RAD21L1: variants seen among roughly 807,000 people sequenced by gnomAD.
The protein encoded by RAD21L1 is double-strand-break repair protein rad21-like protein 1.
In RAD21L1, 47 loss-of-function variants were observed where a neutral mutation model predicts 69.0. The observed-to-expected ratio is 0.68, with a 90% CI of 0.54 to 0.87. The LOEUF (loss-of-function observed/expected upper bound fraction) is 0.87, where lower values mean the gene tolerates loss of function less well. Ranked by LOEUF, RAD21L1 falls within the 40% of genes least tolerant of loss-of-function variation. The pLI, the probability that RAD21L1 is intolerant of heterozygous loss-of-function variation, is 0.00. For missense variants in RAD21L1, 583 were observed against 647.6 expected, an observed-to-expected ratio of 0.90 and a Z score of 1.08; for synonymous variants, 177 against 205.8, an observed-to-expected ratio of 0.86 and a Z score of 1.20.
At position 1,254,698 on chromosome 20, in the gene RAD21L1, C is replaced by A. The variant is rs2087902549; in HGVS notation, c.*241C>A. Among the ~76,000 whole-genome samples, 1 of 152,000 alleles carries A rather than the reference C, an allele frequency of 6.6e-6. No individual in the cohort carries two copies. Among genetic ancestry groups the A allele is most frequent in the Admixed American group, 6.5e-5 (1 of 15,276 alleles). ...TGTTTTTTTAAGGACAAAGGTCTCA[C>A]TATATTGCCCAGGCTGGACTTGAAC... On this transcript the variant is annotated 3_prime_UTR_variant, in exon 14 of 14. Coordinates refer to ENST00000683101, the MANE Select transcript of RAD21L1 (RefSeq NM_001384355.1).
At position 1,234,083 on chromosome 20, in the gene RAD21L1, A is replaced by G. The variant is rs1029261120; in HGVS notation, c.369-2A>G. The G allele has an allele frequency of 3.6e-6, 5 of 1,398,840 alleles. No homozygotes were observed. Among genetic ancestry groups the G allele is most frequent in the Non-Finnish European group, 3.9e-6 (4 of 1,013,940 alleles). 86.7% of individuals were successfully genotyped at this position (1,398,840 alleles called of 1,614,324 possible). A position where few individuals can be genotyped will look rare whatever the true frequency, so the allele number is the denominator to read the frequency against. On this transcript the variant is annotated splice_acceptor_variant, in intron 4 of 13. Coordinates refer to ENST00000683101, the MANE Select transcript of RAD21L1 (RefSeq NM_001384355.1). LOFTEE classifies it high-confidence loss of function. ...TTTTCTCAACCTTCTATTTCTCCAT[A>G]GTGCTATTGATGTTTCAGAACACTT...
intron 2 of RAD21L1, 100 bp from the exon 3 acceptor site, chr20:1,229,779 CT>C: frequency 2.3e-6 from 2 of 882,572 alleles, no homozygotes; most frequent in Non-Finnish European, 3.3e-6. Flanking sequence ...AAAATATCTG[CT>C]TTTTTAAGAG....
chr20:1,238,027 G>T lies in RAD21L1; in HGVS notation c.476-17G>T. On this transcript the variant is annotated splice_polypyrimidine_tract_variant and intron_variant, in intron 5 of 13. Coordinates refer to ENST00000683101, the MANE Select transcript of RAD21L1 (RefSeq NM_001384355.1). ...TGTGTTTCTATGAATTAGTATTAAT[G>T]ATATATATTTATTTAGGGGAGGAAT... is the stretch of plus-strand genomic sequence containing the variant. 7.3e-7 allele frequency: 1 copy of T among 1,360,764 alleles called. No individual in the cohort carries two copies. The allele number at this position is 1,360,764 out of a possible 1,614,324, so 84.3% of individuals were successfully genotyped here. A position where few individuals can be genotyped will look rare whatever the true frequency, so the allele number is the denominator to read the frequency against.
intron 11 of RAD21L1, among the ~76,000 whole-genome samples, chr20:1,245,571 T>C (rs1403279452): frequency 2.0e-5 from 3 of 152,146 alleles, no homozygotes; most frequent in Admixed American, 1.3e-4. Flanking sequence ...TGGAGACAGG[T>C]TGAAGATGAA....
chr20:1,250,005 C>G (rs191197392), intron 13 of RAD21L1, among the ~76,000 whole-genome samples: 1 of 124,374 alleles, frequency 8.0e-6, no homozygotes, highest in Admixed American at 8.6e-5. Flanking sequence ...TCCCTCCCCC[C>G]TCCCCCGACC....
Position 1,246,566 on chromosome 20 carries a change from A to G in RAD21L1, c.1401+261A>G, listed in dbSNP as rs1046072305. ...GTGTGAGGTTTTTGTGCTTATCAAA[A>G]GTAGTGACAGGATTTTAAATGTTGA... On this transcript the variant is annotated intron_variant, in intron 12 of 13. Coordinates refer to ENST00000683101, the MANE Select transcript of RAD21L1 (RefSeq NM_001384355.1). This position sits in a 1 kb window ranked among gnomAD's most constrained non-coding sequence, Gnocchi z 4.6. Among the ~76,000 whole-genome samples, 1 of 152,192 alleles carries G rather than the reference A, an allele frequency of 6.6e-6. No homozygotes were observed. Among genetic ancestry groups the G allele is most frequent in the Non-Finnish European group, 1.5e-5 (1 of 68,018 alleles).
At chr20:1,251,810 G>A (rs568649236) in intron 13 of RAD21L1, among the ~76,000 whole-genome samples, 138 of 151,688 alleles carry the variant, frequency 9.1e-4, no homozygotes, top group African/African-American at 3.0e-3. Context: ...TTATTTTATA[G>A]CATCATAATA....
rs2087562336 is a variant in RAD21L1, at chr20:1,239,386, G to C, written c.721G>C (p.Glu241Gln). ...GAACAGAGAAATTTCCCTGCCTTCT[G>C]AGCCTCCCAATAGTTTAGCAGGTAG... is the stretch of plus-strand genomic sequence containing the variant. The part of the protein sequence containing the change: ...HLNREISLPS[E>Q]PPNSLAVEPD... Residue 241 changes from glutamate to glutamine, a missense_variant, in exon 7 of 14, where the codon GAG (glutamate) becomes CAG (glutamine). Coordinates refer to ENST00000683101, the MANE Select transcript of RAD21L1 (RefSeq NM_001384355.1). 1 of 1,546,994 alleles carries C rather than the reference G, an allele frequency of 6.5e-7. No individual in the cohort carries two copies. The highest frequency in any genetic ancestry group is 8.8e-7 in the Non-Finnish European group (1 of 1,142,824).
chr20:1,230,069 TG>T, intron 3 of RAD21L1, 60 bp downstream of exon 3: 1 of 1,339,370 alleles, frequency 7.5e-7, no homozygotes, highest in Non-Finnish European at 1.0e-6. Context: ...TAATTGGGGG[TG>T]GGATCTTTTA....
At chr20:1,254,230 G>T in intron 13 of RAD21L1, 39 bp from the exon 14 acceptor site, 1 of 1,358,280 alleles carries the variant, frequency 7.4e-7, no homozygotes, top group South Asian at 1.6e-5. Context: ...TAATGATCTT[G>T]TTTCCCATTT....
At chr20:1,229,841 T>C in intron 2 of RAD21L1, 39 bp from the exon 3 acceptor site, 1 of 1,439,958 alleles carries the variant, frequency 6.9e-7, no homozygotes, top group Non-Finnish European at 9.4e-7. Context: ...TTTATGAACC[T>C]AATCTTTACT....
In RAD21L1 at chr20:1,255,434, A is replaced by G. The variant is rs948122392; in HGVS notation, c.*977A>G. 1.3e-5 allele frequency among the ~76,000 whole-genome samples: 2 copies of G among 152,202 alleles called. 1 individual carries two copies. The highest frequency in any genetic ancestry group is 4.1e-4 in the South Asian group (2 of 4,828). ...CATATGATGCTCTGTGAGCTCCATCATACACTGTCAAATGAAGCCTATGGT... is the reference window on the plus strand; with the variant it reads ...CATATGATGCTCTGTGAGCTCCATCGTACACTGTCAAATGAAGCCTATGGT... On this transcript the variant is annotated 3_prime_UTR_variant, in exon 14 of 14. Transcript: ENST00000683101.
At position 1,230,018 on chromosome 20, in the gene RAD21L1, G is replaced by A; in HGVS notation, c.274+9G>A. 1.3e-6 allele frequency: 2 copies of A among 1,535,958 alleles called. No homozygotes were observed. Among genetic ancestry groups the A allele is most frequent in the Non-Finnish European group, 1.8e-6 (2 of 1,136,136 alleles). The stretch of plus-strand genomic sequence containing the variant: ...GATGACATTTTGCCCAGGTATACAT[G>A]TAATATTGATTTGTCTCCTTCTTGG... On this transcript the variant is annotated intron_variant, in intron 3 of 13. Transcript: ENST00000683101.
At position 1,241,029 on chromosome 20, in the gene RAD21L1, A is replaced by G. The variant is rs74181573; in HGVS notation, c.856+595A>G. 2.3e-3 allele frequency among the ~76,000 whole-genome samples: 345 copies of G among 152,336 alleles called. 2 individuals are homozygous for G. Among genetic ancestry groups the G allele is most frequent in the Non-Finnish European group, 4.1e-3 (281 of 68,026 alleles). Reference sequence around the variant, plus strand: ...TTTTCCTGGACAAAGCCAAGAACCCAGATGGGCTAAGCTCCACTCTGGGGC... The same window carrying G: ...TTTTCCTGGACAAAGCCAAGAACCCGGATGGGCTAAGCTCCACTCTGGGGC... On this transcript the variant is annotated intron_variant, in intron 8 of 13. Coordinates refer to ENST00000683101, the MANE Select transcript of RAD21L1 (RefSeq NM_001384355.1).
At chr20:1,238,682 GC>G (rs1213025699) in intron 6 of RAD21L1, among the ~76,000 whole-genome samples, 2 of 151,842 alleles carry the variant, frequency 1.3e-5, no homozygotes, top group Non-Finnish European at 2.9e-5. Flanking sequence ...TATCCTCAAG[GC>G]CTTCTACCAA....
Position 1,242,970 on chromosome 20 carries a change from A to C in RAD21L1, c.1083+125A>C, listed in dbSNP as rs1044368052. The C allele has an allele frequency of 3.3e-6, 3 of 904,474 alleles. No individual in the cohort carries two copies. The African/African-American group carries it at 5.1e-5, about 15-fold the overall frequency. The allele number at this position is 904,474 out of a possible 1,614,324, so 56.0% of individuals were successfully genotyped here. On this transcript the variant is annotated intron_variant, in intron 9 of 13. Transcript: ENST00000683101. ...TAAACTTGCGAAGAAGTACTTCCTC[A>C]TTTTGAATTAATTTTCTGTATTGTG...
rs181134810 is a variant in RAD21L1, at chr20:1,251,596, G to T, written c.1480-2673G>T. ...TATTTATGTTTTGTCTTCCTGAAGGGCCAGTGGGTCAGATGTTGGATCTCC... is the reference window on the plus strand; with the variant it reads ...TATTTATGTTTTGTCTTCCTGAAGGTCCAGTGGGTCAGATGTTGGATCTCC... On this transcript the variant is annotated intron_variant, in intron 13 of 13. Transcript: ENST00000683101. Among the ~76,000 whole-genome samples, 5 of 151,902 alleles carry T rather than the reference G, an allele frequency of 3.3e-5. No individual in the cohort carries two copies. The East Asian group carries it at 9.6e-4, about 29-fold the overall frequency.
intron 1 of RAD21L1, 71 bp from the exon 2 acceptor site, chr20:1,228,349 AAT>A (rs1273886360): frequency 3.1e-6 from 2 of 644,022 alleles, no homozygotes; most frequent in African/African-American, 3.8e-5. Flanking sequence ...TTGTAGAATT[AAT>A]ACATATTTTT....
At chr20:1,243,036 G>A (rs998009087) in intron 9 of RAD21L1, 61 bp from the exon 10 acceptor site, 2 of 1,103,370 alleles carry the variant, frequency 1.8e-6, no homozygotes, top group Non-Finnish European at 2.6e-6. Flanking sequence ...ATGTGCTTGT[G>A]TTTTCTTGAA....
Sources: gnomAD v4.1 joint callset for allele counts (sites outside exome capture counted in the v4.1 genomes callset) on GRCh38, gnomAD v4.1.1 for gene constraint, Gnocchi (gnomAD v3.1) non-coding constraint, MANE v1.5 for transcripts, NCBI Gene and HGNC (gene_info 2026-07-23, HGNC 2026-07-21) for gene names.